PIK3AP1: variants seen among roughly 807,000 people sequenced by gnomAD.
PIK3AP1 encodes phosphoinositide 3-kinase adapter protein 1.
PIK3AP1 carries 21 observed loss-of-function variants against 88.1 expected under a neutral mutation model. The observed-to-expected ratio is 0.24, with a 90% confidence interval of 0.17 to 0.34. The LOEUF is 0.34. PIK3AP1 is among the 10% of genes least tolerant of loss of function. PIK3AP1 has a pLI of 1.00. For missense variants in PIK3AP1, 828 were observed against 1,035.7 expected, an observed-to-expected ratio of 0.80 and a Z score of 2.75; for synonymous variants, 398 against 400.0, an observed-to-expected ratio of 1.00 and a Z score of 0.06.
At chr10:96,657,425 G>A (rs1330630821) in intron 2 of PIK3AP1, among the ~76,000 whole-genome samples, 2 of 152,154 alleles carry the variant, frequency 1.3e-5, no homozygotes, top group African/African-American at 4.8e-5. Flanking sequence ...AAAGTGAAAA[G>A]CAATCATTTT....
intron 2 of PIK3AP1, among the ~76,000 whole-genome samples, chr10:96,679,211 C>T (rs770567105): frequency 6.6e-6 from 1 of 152,174 alleles, no homozygotes; most frequent in Non-Finnish European, 1.5e-5. Flanking sequence ...CTTGAGTCTA[C>T]TCCACTGATG....
At chr10:96,697,567 AT>A (rs201814697) in intron 2 of PIK3AP1, among the ~76,000 whole-genome samples, 111 of 150,736 alleles carry the variant, frequency 7.4e-4, no homozygotes, top group South Asian at 6.3e-4. Context: ...TACAAAATAA[AT>A]TTTTTTTTTA....
At chr10:96,715,637 T>G (rs1234896289) in intron 1 of PIK3AP1, among the ~76,000 whole-genome samples, 1 of 152,220 alleles carries the variant, frequency 6.6e-6, no homozygotes, top group Non-Finnish European at 1.5e-5. Context: ...ATGCCTGTAA[T>G]CCTAGCACTC....
At chr10:96,650,332 C>G (rs1446800766) in intron 6 of PIK3AP1, among the ~76,000 whole-genome samples, 1 of 152,144 alleles carries the variant, frequency 6.6e-6, no homozygotes, top group Non-Finnish European at 1.5e-5. Flanking sequence ...TGTAGTGCAA[C>G]CATGGCATGA....
intron 14 of PIK3AP1, among the ~76,000 whole-genome samples, chr10:96,606,294 C>T (rs776578270): frequency 1.3e-4 from 20 of 152,160 alleles, no homozygotes; most frequent in Non-Finnish European, 2.1e-4. Flanking sequence ...AGTAGCCCCT[C>T]GGGCCCACGG....
intron 8 of PIK3AP1, among the ~76,000 whole-genome samples, chr10:96,630,527 T>A (rs1843230355): frequency 6.6e-6 from 1 of 152,234 alleles, no homozygotes; most frequent in Admixed American, 6.5e-5. Flanking sequence ...CACGGAACAT[T>A]TTCCTCATGG....
chr10:96,602,474 A>C, intron 15 of PIK3AP1, 76 bp from the exon 16 acceptor site: 1 of 1,299,038 alleles, frequency 7.7e-7, no homozygotes, highest in Non-Finnish European at 1.1e-6. Flanking sequence ...CGTAACTCAA[A>C]AGCCCCTTGG....
At chr10:96,640,492 G>A (rs116664483) in intron 8 of PIK3AP1, among the ~76,000 whole-genome samples, 1 of 152,244 alleles carries the variant, frequency 6.6e-6, no homozygotes, top group African/African-American at 2.4e-5. Flanking sequence ...TCCAAGGTAA[G>A]GGCAGGGGAC....
At chr10:96,671,508 T>A (rs939381952) in intron 2 of PIK3AP1, among the ~76,000 whole-genome samples, 1 of 151,754 alleles carries the variant, frequency 6.6e-6, no homozygotes, top group Non-Finnish European at 1.5e-5. Context: ...CAAAGTCACA[T>A]ACAGTCATCA....
At chr10:96,652,638 GAC>G in intron 4 of PIK3AP1, 58 bp downstream of exon 4, 2 of 1,575,276 alleles carry the variant, frequency 1.3e-6, no homozygotes, top group Non-Finnish European at 1.7e-6. Flanking sequence ...TGGCATTGGT[GAC>G]AGCATAGCAA....
chr10:96,622,326 C>A (rs1207437948), intron 11 of PIK3AP1, among the ~76,000 whole-genome samples: 2 of 152,200 alleles, frequency 1.3e-5, no homozygotes, highest in Non-Finnish European at 2.9e-5. Context: ...GACTTCAGTT[C>A]TGTGGGGAAT....
At chr10:96,601,934 A>G (rs940498908) in intron 16 of PIK3AP1, among the ~76,000 whole-genome samples, 2 of 152,176 alleles carry the variant, frequency 1.3e-5, no homozygotes, top group Admixed American at 6.5e-5. Context: ...CCCAGGCTAG[A>G]GTGCAGTGGC....
intron 8 of PIK3AP1, chr10:96,633,116 C>G: frequency 1.3e-6 from 2 of 1,502,868 alleles, no homozygotes; most frequent in Non-Finnish European, 1.8e-6. Flanking sequence ...TCCAGGGTCA[C>G]CATGAGAGGT....
intron 3 of PIK3AP1, among the ~76,000 whole-genome samples, chr10:96,656,171 A>T (rs998872146): frequency 7.9e-5 from 12 of 152,376 alleles, no homozygotes; most frequent in Admixed American, 2.6e-4. Context: ...CACGTTTTTA[A>T]TTAGGAAAGG....
intron 1 of PIK3AP1, among the ~76,000 whole-genome samples, chr10:96,718,560 A>G (rs682304): frequency 0.96 from 146,202 of 152,286 alleles, 70,231 homozygotes; most frequent in East Asian, 1. Context: ...TAACCATTAC[A>G]AACACCTGCA....
intron 13 of PIK3AP1, among the ~76,000 whole-genome samples, chr10:96,614,430 A>AC (rs1410446100): frequency 2.0e-5 from 3 of 151,302 alleles, no homozygotes; most frequent in African/African-American, 7.3e-5. Flanking sequence ...CTTCCTCTCA[A>AC]CCAGGAGGAC....
At chr10:96,719,091 T>C (rs1374872797) in intron 1 of PIK3AP1, among the ~76,000 whole-genome samples, 3 of 152,308 alleles carry the variant, frequency 2.0e-5, no homozygotes, top group Middle Eastern at 3.4e-3. Flanking sequence ...ATTAAGTGTA[T>C]ATTACCTGCT....
intron 2 of PIK3AP1, among the ~76,000 whole-genome samples, chr10:96,681,383 T>C (rs1169603098): frequency 6.6e-6 from 1 of 152,244 alleles, no homozygotes; most frequent in African/African-American, 2.4e-5. Context: ...ACAAATGTGA[T>C]GTCTGACTTC....
At chr10:96,679,472 A>T in intron 2 of PIK3AP1, among the ~76,000 whole-genome samples, 1 of 151,920 alleles carries the variant, frequency 6.6e-6, no homozygotes, top group East Asian at 1.9e-4. Context: ...AAGTTGCAGT[A>T]AGCCGAGATC....
Sources: allele counts gnomAD v4.1 joint callset (sites outside exome capture counted in the v4.1 genomes callset), GRCh38; gene constraint gnomAD v4.1.1; transcripts MANE v1.5; gene names NCBI Gene and HGNC (gene_info 2026-07-23, HGNC 2026-07-21).